Variants in RNASEH2A observed in about 807,000 individuals in gnomAD.
RNASEH2A encodes the protein RNase H(35).
Under a neutral mutation model 32.7 loss-of-function variants are expected in RNASEH2A, and 30 were observed. The observed-to-expected ratio is 0.92, with a 90% confidence interval of 0.69 to 1.25. The LOEUF (loss-of-function observed/expected upper bound fraction) is 1.25, where lower values mean the gene tolerates loss of function less well. Among genes scored for constraint, RNASEH2A ranks in the 50% most tolerant of loss-of-function variants. The pLI is 0.00. For missense variants in RNASEH2A, 409 were observed against 398.1 expected (o/e 1.03, Z -0.23); for synonymous variants, 147 against 165.4 (o/e 0.89, Z 0.86).
intron 6 of RNASEH2A, among the ~76,000 whole-genome samples, chr19:12,811,863 G>A (rs964954841): frequency 1.3e-5 from 2 of 151,846 alleles, no homozygotes; most frequent in African/African-American, 4.8e-5. Flanking sequence ...GTTGCAGTGA[G>A]CCGAGATCGC....
Position 12,810,494 on chromosome 19 carries a change from A to G in RNASEH2A, c.637+90A>G, listed in dbSNP as rs1672819496. ...TTTCTTTTTTTCCTTTCTGTCATTTATCATTTTATTTTGCTTATTTTTTGT... is the reference window on the plus strand; with the variant it reads ...TTTCTTTTTTTCCTTTCTGTCATTTGTCATTTTATTTTGCTTATTTTTTGT... On this transcript the variant is annotated intron_variant, in intron 6 of 7. Coordinates refer to ENST00000221486, the MANE Select transcript of RNASEH2A (RefSeq NM_006397.3). 10 of 1,141,842 alleles carry G rather than the reference A, an allele frequency of 8.8e-6. No individual in the cohort carries two copies. The South Asian group carries it at 1.2e-4, about 14-fold the overall frequency. 70.7% of individuals were successfully genotyped at this position (1,141,842 alleles called of 1,614,324 possible).
At position 12,810,310 on chromosome 19, in the gene RNASEH2A, C is replaced by T; in HGVS notation, c.550-7C>T. The T allele has an allele frequency of 6.2e-7, 1 of 1,614,124 alleles. No individual in the cohort carries two copies. Among genetic ancestry groups the T allele is most frequent in the Non-Finnish European group, 8.5e-7 (1 of 1,180,012 alleles). On this transcript the variant is annotated splice_region_variant and splice_polypyrimidine_tract_variant and intron_variant, in intron 5 of 7. Transcript: ENST00000221486. The stretch of plus-strand genomic sequence containing the variant: ...AGGGAGATTCCAGGTGCCTGTTTTG[C>T]CCACAGGTGGCCCGGGACCAGGCCG...
chr19:12,813,528 A>G lies in RNASEH2A; in HGVS notation c.*62A>G. The G allele has an allele frequency of 6.2e-7, 1 of 1,600,496 alleles. No individual in the cohort carries two copies. Reference sequence around the variant, plus strand: ...CAGACATTAAAATTGTTTAAGGAGAACCACACGTAGGGGATGTACTTTTGG... The same window carrying G: ...CAGACATTAAAATTGTTTAAGGAGAGCCACACGTAGGGGATGTACTTTTGG... On this transcript the variant is annotated 3_prime_UTR_variant, in exon 8 of 8. Coordinates refer to ENST00000221486, the MANE Select transcript of RNASEH2A (RefSeq NM_006397.3).
rs781591228 is a variant in RNASEH2A at position 12,813,315 on chromosome 19, C to T, written c.762-13C>T. 4 of 1,614,128 alleles carry T rather than the reference C, an allele frequency of 2.5e-6. No homozygotes were observed. Among genetic ancestry groups the T allele is most frequent in the Non-Finnish European group, 3.4e-6 (4 of 1,180,012 alleles). On this transcript the variant is annotated splice_polypyrimidine_tract_variant and intron_variant, in intron 7 of 7. Transcript: ENST00000221486. ...CTGTGTAAGTGGTCACTGTCATCAC[C>T]TCTCTCCCACAGGGAGGACTCAGCA...
At chr19:12,806,923 A>G (rs1969000573) in intron 1 of RNASEH2A, 85 bp from the exon 2 acceptor site, 1 of 1,603,252 alleles carries the variant, frequency 6.2e-7, no homozygotes, top group South Asian at 1.1e-5. Context: ...AGAAGCAGTG[A>G]TGATAGAACA....
rs11554405 is a variant in RNASEH2A at position 12,806,783 on chromosome 19, G to T, written c.110G>T (p.Gly37Val). The T allele has an allele frequency of 1.3e-6, 2 of 1,577,386 alleles. No individual in the cohort carries two copies. The highest frequency in any genetic ancestry group is 1.9e-5 in the Admixed American group (1 of 53,292). ...EPCVLGVDEA[G>V]RGPVLGPMVY... ...TGCGTCCTGGGCGTCGATGAGGCGG[G>T]CAGGGGCCCCGTGCTGGGTGCGCCC... The change falls in exon 1 of 8, where the codon GGC becomes GTC. Residue 37 changes from glycine to valine, a missense_variant. Physicochemically the swap from Gly to Val is moderately radical, Grantham distance 109. Coordinates refer to ENST00000221486, the MANE Select transcript of RNASEH2A (RefSeq NM_006397.3).
intron 6 of RNASEH2A, among the ~76,000 whole-genome samples, chr19:12,810,808 G>T (rs565305001): frequency 6.6e-6 from 1 of 152,106 alleles, no homozygotes; most frequent in African/African-American, 2.4e-5. Context: ...GGGATTACAG[G>T]CATGAGCCAC....
intron 6 of RNASEH2A, among the ~76,000 whole-genome samples, chr19:12,811,332 AGGC>A (rs990773952): frequency 1.3e-5 from 2 of 152,134 alleles, no homozygotes; most frequent in African/African-American, 4.8e-5. Flanking sequence ...GAAGGGGACC[AGGC>A]GTGGTGGCTC....
Position 12,813,579 on chromosome 19 carries a change from CT to C in RNASEH2A, c.*114del. 7.3e-7 allele frequency: 1 copy of C among 1,375,800 alleles called. No individual in the cohort carries two copies. The highest frequency in any genetic ancestry group is 1.0e-6 in the Non-Finnish European group (1 of 978,786). 85.2% of individuals were successfully genotyped at this position (1,375,800 alleles called of 1,614,324 possible). ...GACAGAAGCAAGGTGGGAGTGTGCTCTGCAGCCGGGTCCAGCTACTTCCTTT... is the reference window on the plus strand; with the variant it reads ...GACAGAAGCAAGGTGGGAGTGTGCTCGCAGCCGGGTCCAGCTACTTCCTTT... On this transcript the variant is annotated 3_prime_UTR_variant, in exon 8 of 8. Coordinates refer to ENST00000221486, the MANE Select transcript of RNASEH2A (RefSeq NM_006397.3).
intron 7 of RNASEH2A, 25 bp downstream of exon 7, chr19:12,813,231 G>T (rs375051055): frequency 1.6e-5 from 26 of 1,613,830 alleles, no homozygotes; most frequent in Non-Finnish European, 2.1e-5. Context: ...TGTCCTGGGG[G>T]TGCTATAGGG....
rs761949269 is a variant in RNASEH2A, at chr19:12,807,272, T to A, written c.266T>A (p.Val89Asp). Residue 89 changes from valine to aspartate, a missense_variant, in exon 3 of 8, where the codon GTC becomes GAC. Transcript: ENST00000221486. ...GCGAAAATGGAGGACACGGACTTTG[T>A]CGGCTGGGCGCTGGATGTGCTGTCT... ...LFAKMEDTDF[V>D]GWALDVLSPN... The A allele has an allele frequency of 6.2e-7, 1 of 1,614,168 alleles. No homozygotes were observed. Among genetic ancestry groups the A allele is most frequent in the Non-Finnish European group, 8.5e-7 (1 of 1,180,038 alleles).
Position 12,806,785 on chromosome 19 carries a change from A to C in RNASEH2A, c.112A>C (p.Arg38=), listed in dbSNP as rs1315042424. Reference sequence around the variant, plus strand: ...CGTCCTGGGCGTCGATGAGGCGGGCAGGGGCCCCGTGCTGGGTGCGCCCCT... The same window carrying C: ...CGTCCTGGGCGTCGATGAGGCGGGCCGGGGCCCCGTGCTGGGTGCGCCCCT... ...PCVLGVDEAG[R]GPVLGPMVYA... is the part of the protein sequence containing the mutation. The change falls in exon 1 of 8, where the codon AGG becomes CGG. Residue 38 remains arginine (R), a synonymous_variant. Coordinates refer to ENST00000221486, the MANE Select transcript of RNASEH2A (RefSeq NM_006397.3). 1 of 1,576,644 alleles carries C rather than the reference A, an allele frequency of 6.3e-7. No homozygotes were observed. The highest frequency in any genetic ancestry group is 1.2e-5 in the South Asian group (1 of 86,466).
rs973746311 is a variant in RNASEH2A, at chr19:12,806,622, A to G, written c.-52A>G. ...AGGCCCGCGGAAAACGCGCGCCGAGACCCGCTCCTGCAGTATTAGTTCTTG... is the reference window on the plus strand; with the variant it reads ...AGGCCCGCGGAAAACGCGCGCCGAGGCCCGCTCCTGCAGTATTAGTTCTTG... On this transcript the variant is annotated 5_prime_UTR_variant, in exon 1 of 8. Transcript: ENST00000221486. 3 of 1,555,824 alleles carry G rather than the reference A, an allele frequency of 1.9e-6. No individual in the cohort carries two copies. The highest frequency in any genetic ancestry group is 8.7e-7 in the Non-Finnish European group (1 of 1,149,598).
chr19:12,806,765 T>A lies in RNASEH2A; in HGVS notation c.92T>A (p.Leu31Gln). ...PAVCRKEPCV[L>Q]GVDEAGRGPV... Reference sequence around the variant, plus strand: ...GTGTGCCGCAAGGAGCCTTGCGTCCTGGGCGTCGATGAGGCGGGCAGGGGC... The same window carrying A: ...GTGTGCCGCAAGGAGCCTTGCGTCCAGGGCGTCGATGAGGCGGGCAGGGGC... Residue 31 changes from leucine (L) to glutamine (Q), a missense_variant, in exon 1 of 8, where the codon CTG becomes CAG. Transcript: ENST00000221486. 1 of 1,576,290 alleles carries A rather than the reference T, an allele frequency of 6.3e-7. No homozygotes were observed. The highest frequency in any genetic ancestry group is 1.7e-4 in the Middle Eastern group (1 of 5,760).
At position 12,807,002 on chromosome 19, in the gene RNASEH2A, C is replaced by T; in HGVS notation, c.128-6C>T. 3 of 1,613,566 alleles carry T rather than the reference C, an allele frequency of 1.9e-6. No individual in the cohort carries two copies. Among genetic ancestry groups the T allele is most frequent in the East Asian group, 2.2e-5 (1 of 44,888 alleles). ...CTGCCAGAAAACTGACACCCCTTCT[C>T]CCCAGGCCCCATGGTCTACGCCATC... On this transcript the variant is annotated splice_region_variant and splice_polypyrimidine_tract_variant and intron_variant, in intron 1 of 7. Transcript: ENST00000221486.
intron 3 of RNASEH2A, 33 bp downstream of exon 3, chr19:12,807,362 G>T: frequency 6.2e-7 from 1 of 1,614,176 alleles, no homozygotes. Flanking sequence ...AGCCAGCATG[G>T]GCTGACCAAG....
intron 6 of RNASEH2A, among the ~76,000 whole-genome samples, chr19:12,812,730 G>T (rs1243700500): frequency 6.6e-6 from 1 of 151,904 alleles, no homozygotes; most frequent in Non-Finnish European, 1.5e-5. Context: ...AAGGAGGCCG[G>T]GCGTGGTGGC....
At position 12,810,454 on chromosome 19, in the gene RNASEH2A, G is replaced by A. The variant is rs775678391; in HGVS notation, c.637+50G>A. ...CTAATGTTGAAATGGCCAGGGCTGA[G>A]CACACTTCTGAGGTTTTCTTTTTTT... On this transcript the variant is annotated intron_variant, in intron 6 of 7. Coordinates refer to ENST00000221486, the MANE Select transcript of RNASEH2A (RefSeq NM_006397.3). 3 of 1,438,776 alleles carry A rather than the reference G, an allele frequency of 2.1e-6. No individual in the cohort carries two copies. In the South Asian group the frequency reaches 3.4e-5, roughly 16 times the overall value. 89.1% of individuals were successfully genotyped at this position (1,438,776 alleles called of 1,614,324 possible). A position where few individuals can be genotyped will look rare whatever the true frequency, so the allele number is the denominator to read the frequency against.
intron 6 of RNASEH2A, among the ~76,000 whole-genome samples, chr19:12,810,729 C>T (rs375001216): frequency 1.2e-4 from 19 of 152,136 alleles, no homozygotes; most frequent in African/African-American, 3.9e-4. Flanking sequence ...TAGTTTTCTC[C>T]ATGTTGGTCA....
Sources: allele counts gnomAD v4.1 joint callset (sites outside exome capture counted in the v4.1 genomes callset), GRCh38; gene constraint gnomAD v4.1.1; transcripts MANE v1.5; gene names NCBI Gene and HGNC (gene_info 2026-07-23, HGNC 2026-07-21).